LAMA5: variants seen among roughly 807,000 people sequenced by gnomAD.
LAMA5 encodes laminin subunit alpha-5.
LAMA5 carries 260 observed loss-of-function variants against 433.4 expected under a neutral mutation model. The ratio of observed to expected loss-of-function variants is 0.60; its 90% CI spans 0.54 to 0.66. The LOEUF (loss-of-function observed/expected upper bound fraction) is 0.66, where lower values mean the gene tolerates loss of function less well. Ranked by LOEUF, LAMA5 falls within the 30% of genes least tolerant of loss-of-function variation. The pLI is 0.00. For missense variants in LAMA5, 5,378 were observed against 5,258.5 expected (o/e 1.02, Z -0.70); for synonymous variants, 2,620 against 2,226.6 (o/e 1.18, Z -4.97).
chr20:62,330,674 A>G (rs1980199085), intron 30 of LAMA5, 60 bp from the exon 31 acceptor site: 16 of 1,561,114 alleles, frequency 1.0e-5, no homozygotes, highest in African/African-American at 5.4e-5. Context: ...CCCCTGGACA[A>G]CCTGCCCTGG....
intron 6 of LAMA5, among the ~76,000 whole-genome samples, chr20:62,348,397 G>A (rs1983691213): frequency 6.6e-6 from 1 of 152,206 alleles, no homozygotes; most frequent in Non-Finnish European, 1.5e-5. Flanking sequence ...GAGGTCAGGA[G>A]ATCGAGACCA....
intron 38 of LAMA5, 53 bp downstream of exon 38, chr20:62,327,180 A>G (rs1393946510): frequency 4.2e-6 from 6 of 1,435,736 alleles, no homozygotes; most frequent in Non-Finnish European, 4.6e-6. Flanking sequence ...CAACCCTCTC[A>G]GGCGTCCTGG....
Position 62,327,525 on chromosome 20 carries a change from G to T in LAMA5, c.4938+4C>A. On this transcript the variant is annotated splice_donor_region_variant and intron_variant, in intron 37 of 79. Transcript: ENST00000252999. ...AGGCAATGCCCTCAGTCCTGCAGGC[G>T]CACCTCCTGGCGGGTGTAGGACGAG... 1 of 1,612,830 alleles carries T rather than the reference G, an allele frequency of 6.2e-7. No individual in the cohort carries two copies. The highest frequency in any genetic ancestry group is 8.5e-7 in the Non-Finnish European group (1 of 1,179,956).
Position 62,334,739 on chromosome 20 carries a change from C to A in LAMA5, c.2483-118G>T, listed in dbSNP as rs141788000. On this transcript the variant is annotated intron_variant, in intron 20 of 79. Coordinates refer to ENST00000252999, the MANE Select transcript of LAMA5 (RefSeq NM_005560.6). ...CTCTGGATGATGGAGAGTCAGGGCTCAGGGCTCAGGGCTCAGGGCGAGGGC... is the reference window on the plus strand; with the variant it reads ...CTCTGGATGATGGAGAGTCAGGGCTAAGGGCTCAGGGCTCAGGGCGAGGGC... 2,771 of 679,600 alleles carry A rather than the reference C, an allele frequency of 4.1e-3. 65 individuals carry two copies. In the African/African-American group the frequency reaches 0.06, roughly 15 times the overall value. The allele number at this position is 679,600 out of a possible 1,614,324, so 42.1% of individuals were successfully genotyped here.
chr20:62,312,822 C>A (rs371995678), intron 66 of LAMA5, 42 bp from the exon 67 acceptor site: 23 of 1,600,282 alleles, frequency 1.4e-5, no homozygotes, highest in African/African-American at 6.7e-5. Context: ...TGTGTCCCTG[C>A]GGCCTGCCCC....
chr20:62,334,590 G>A lies in LAMA5; in HGVS notation c.2514C>T (p.Gly838=). Residue 838 remains glycine (G), a synonymous_variant, in exon 21 of 80, where the codon GGC becomes GGT. Transcript: ENST00000252999. ...CGCCCGTCCTCGGTTCACAGCTCTG[G>A]CCCAGTGCACCGCCAATGTCACACC... is the stretch of plus-strand genomic sequence containing the variant. ...SCRCDIGGAL[G]QSCEPRTGVC... 3 of 1,548,042 alleles carry A rather than the reference G, an allele frequency of 1.9e-6. No homozygotes were observed. Among genetic ancestry groups the A allele is most frequent in the Non-Finnish European group, 2.6e-6 (3 of 1,146,748 alleles).
chr20:62,338,092 G>A lies in LAMA5; in HGVS notation c.1815C>T (p.Cys605=), dbSNP rs748293998. ...GTCCAGCAAACTCAGGCTGGCATAG[G>A]CAGCGGCCGGCCTCATCGCAGCCCT... ...LPEGCDEAGR[C]LCQPEFAGPH... The change falls in exon 14 of 80, where the codon TGC becomes TGT. Residue 605 remains cysteine (C), a synonymous_variant. Transcript: ENST00000252999. The A allele has an allele frequency of 6.2e-6, 10 of 1,603,090 alleles. No homozygotes were observed. Among genetic ancestry groups the A allele is most frequent in the Non-Finnish European group, 8.5e-6 (10 of 1,174,440 alleles).
intron 6 of LAMA5, among the ~76,000 whole-genome samples, chr20:62,348,909 C>A (rs1205863500): frequency 1.3e-5 from 2 of 151,978 alleles, no homozygotes; most frequent in Non-Finnish European, 2.9e-5. Flanking sequence ...ATGGGGACTC[C>A]AGGGGAAAAG....
chr20:62,326,319 C>T (rs763166330), intron 40 of LAMA5: 10 of 198,964 alleles, frequency 5.0e-5, no homozygotes, highest in Non-Finnish European at 1.0e-4. Flanking sequence ...GGGTAAGCAC[C>T]AAGAATAACA....
rs751858030 is a variant in LAMA5 at position 62,335,152 on chromosome 20, T to TGGGGC, written c.2377-31_2377-27dup. On this transcript the variant is annotated intron_variant, in intron 19 of 79. Transcript: ENST00000252999. ...CTGGGGGCCAAGGGAGGAGGTGAAG[T>TGGGGC]GGGGCAGGGGAGGGTCCTGACCAGT... 7 of 1,612,432 alleles carry TGGGGC rather than the reference T, an allele frequency of 4.3e-6. No homozygotes were observed. In the Admixed American group the frequency reaches 6.7e-5, roughly 15 times the overall value.
rs1330102996 is a variant in LAMA5, at chr20:62,334,520, A to C, written c.2582+2T>G. On this transcript the variant is annotated splice_donor_variant, in intron 21 of 79. Coordinates refer to ENST00000252999, the MANE Select transcript of LAMA5 (RefSeq NM_005560.6). LOFTEE classifies it high-confidence loss of function. ...ACCACCCAGTGGGGAAGGGGTACCC[A>C]CTCGCTGCAGGTGGGGCCCTGGGTG... The C allele has an allele frequency of 6.5e-7, 1 of 1,547,368 alleles. No homozygotes were observed. The highest frequency in any genetic ancestry group is 8.7e-7 in the Non-Finnish European group (1 of 1,146,314).
chr20:62,312,911 G>A lies in LAMA5; in HGVS notation c.9055C>T (p.Pro3019Ser). The A allele has an allele frequency of 6.3e-7, 1 of 1,584,356 alleles. No individual in the cohort carries two copies. The highest frequency in any genetic ancestry group is 8.6e-7 in the Non-Finnish European group (1 of 1,163,644). Residue 3019 changes from proline to serine, a missense_variant, in exon 66 of 80, where the codon CCC becomes TCC. Pro to Ser is a moderately conservative substitution (Grantham distance 74). Coordinates refer to ENST00000252999, the MANE Select transcript of LAMA5 (RefSeq NM_005560.6). ...KKAVPLQPPPPLTSASKAIQV... is the reference protein window; with the variant it reads ...KKAVPLQPPPSLTSASKAIQV... ...ACCGCCTTGCTGGCCGAGGTCAGGG[G>A]CGGTGGGGGCTGCAGTGGGACGGCC...
intron 13 of LAMA5, 30 bp downstream of exon 13, chr20:62,338,202 C>A: frequency 3.2e-6 from 5 of 1,575,364 alleles, no homozygotes; most frequent in South Asian, 2.3e-5. Context: ...GCCTCCCCTA[C>A]CCACGCCCAC....
rs750674496 is a variant in LAMA5, at chr20:62,314,995, C to T, written c.8047+33G>A. 13 of 1,578,210 alleles carry T rather than the reference C, an allele frequency of 8.2e-6. No individual in the cohort carries two copies. In the Admixed American group the frequency reaches 2.1e-4, roughly 25 times the overall value. ...CCTTTGCCCCCCACCGTGCCCGCCT[C>T]CATCAGGGGCACCGCGAGGGCCATG... On this transcript the variant is annotated intron_variant, in intron 59 of 79. Transcript: ENST00000252999.
chr20:62,335,183 C>T (rs1568946737), intron 19 of LAMA5, 34 bp downstream of exon 19: 1 of 1,612,568 alleles, frequency 6.2e-7, no homozygotes, highest in East Asian at 2.2e-5. Flanking sequence ...CCAGTGTGCC[C>T]CCAAATCCCC....
chr20:62,319,850 C>T (rs1334276949), intron 50 of LAMA5, 55 bp from the exon 51 acceptor site: 4 of 1,405,226 alleles, frequency 2.8e-6, no homozygotes, highest in Middle Eastern at 2.0e-4. Flanking sequence ...GTCGGGGTGG[C>T]AAGGGAGGGC....
At position 62,309,366 on chromosome 20, in the gene LAMA5, T is replaced by C. The variant is rs897320081; in HGVS notation, c.11058A>G (p.Ala3686=). 5 of 1,589,878 alleles carry C rather than the reference T, an allele frequency of 3.1e-6. No homozygotes were observed. In the African/African-American group the frequency reaches 5.4e-5, roughly 17 times the overall value. The change falls in exon 80 of 80, where the codon GCA becomes GCG. Residue 3686 remains alanine, a synonymous_variant. Coordinates refer to ENST00000252999, the MANE Select transcript of LAMA5 (RefSeq NM_005560.6). ...CGGCTGGGCAGCCACTGGCCCCCACTGCCCCGTGGACCTCCACAGAGCGAG... is the reference window on the plus strand; with the variant it reads ...CGGCTGGGCAGCCACTGGCCCCCACCGCCCCGTGGACCTCCACAGAGCGAG... ...AMTRSVEVHG[A]VGASGCPAA is the part of the protein sequence containing the mutation.
At chr20:62,337,751 C>T in intron 15 of LAMA5, 24 bp from the exon 16 acceptor site, 1 of 1,607,296 alleles carries the variant, frequency 6.2e-7, no homozygotes, top group Non-Finnish European at 8.5e-7. Flanking sequence ...TAGCTGTGGG[C>T]ACGCAGTGGA....
chr20:62,347,671 G>C (rs1245600804), intron 6 of LAMA5, among the ~76,000 whole-genome samples: 1 of 152,212 alleles, frequency 6.6e-6, no homozygotes, highest in Non-Finnish European at 1.5e-5. Context: ...CAGCTGGAGA[G>C]AGACAAGGCC....
Sources: allele counts gnomAD v4.1 joint callset (sites outside exome capture counted in the v4.1 genomes callset), GRCh38; gene constraint gnomAD v4.1.1; transcripts MANE v1.5; gene names NCBI Gene and HGNC (gene_info 2026-07-23, HGNC 2026-07-21).